The following TUBA1C variants were observed in gnomAD, a reference collection of about 807,000 sequenced individuals.
The protein encoded by TUBA1C is tubulin alpha-1C chain.
TUBA1C carries 16 observed loss-of-function variants against 34.9 expected under a neutral mutation model. That is an observed-to-expected ratio of 0.46 (90% CI 0.31 to 0.70). The LOEUF (loss-of-function observed/expected upper bound fraction) is 0.70, where lower values mean the gene tolerates loss of function less well. TUBA1C is among the 30% of genes least tolerant of loss of function. The pLI, the probability that TUBA1C is intolerant of heterozygous loss-of-function variation, is 0.05. For synonymous variants in TUBA1C, 177 were observed against 215.9 expected (o/e 0.82, Z 1.58); for missense variants, 329 against 587.3 (o/e 0.56, Z 4.55).
intron 1 of TUBA1C, among the ~76,000 whole-genome samples, chr12:49,252,609 T>C (rs1384934330): frequency 6.6e-6 from 1 of 152,070 alleles, no homozygotes; most frequent in East Asian, 1.9e-4. Flanking sequence ...AAACCCCATC[T>C]CTACTAAAAA....
intron 1 of TUBA1C, among the ~76,000 whole-genome samples, chr12:49,241,359 T>C (rs1454083844): frequency 6.6e-6 from 1 of 152,134 alleles, no homozygotes; most frequent in Non-Finnish European, 1.5e-5. Context: ...TAGGTAGGAT[T>C]CAACACTGAG....
chr12:49,241,235 G>C (rs1942611821), intron 1 of TUBA1C, among the ~76,000 whole-genome samples: 1 of 152,048 alleles, frequency 6.6e-6, no homozygotes, highest in South Asian at 2.1e-4. Flanking sequence ...TATATAATAT[G>C]ATTTATCTGT....
chr12:49,271,178 C>T (rs750887953), intron 3 of TUBA1C, among the ~76,000 whole-genome samples: 6 of 152,110 alleles, frequency 3.9e-5, no homozygotes, highest in Non-Finnish European at 7.4e-5. Flanking sequence ...AATTGGTAGG[C>T]GAGAGTCTGC....
At chr12:49,250,860 A>G (rs1186730666) in intron 1 of TUBA1C, among the ~76,000 whole-genome samples, 1 of 152,112 alleles carries the variant, frequency 6.6e-6, no homozygotes, top group Non-Finnish European at 1.5e-5. Context: ...CTCAAGAAGA[A>G]ATAGGATATC....
intron 1 of TUBA1C, chr12:49,256,380 C>A (rs372646983): frequency 1.1e-5 from 5 of 442,622 alleles, no homozygotes; most frequent in East Asian, 7.1e-5. Context: ...ATTATTTCTT[C>A]TTTTTCTTTT....
chr12:49,255,557 G>A lies in TUBA1C; in HGVS notation c.214-13908G>A, dbSNP rs138057733. Among the ~76,000 whole-genome samples, 479 of 151,722 alleles carry A rather than the reference G, an allele frequency of 3.2e-3. 2 individuals carry two copies. The highest frequency in any genetic ancestry group is 1.0e-2 in the African/African-American group (414 of 41,416). ...ATGAACCACTCTACCTGGTAGATTC[G>A]TCTTTTCTTTTTGTTTTTCGAGACT... On this transcript the variant is annotated intron_variant, in intron 1 of 3. Transcript: ENST00000541364.
At chr12:49,234,845 A>G (rs1942535145) in intron 1 of TUBA1C, among the ~76,000 whole-genome samples, 1 of 152,158 alleles carries the variant, frequency 6.6e-6, no homozygotes, top group Non-Finnish European at 1.5e-5. Flanking sequence ...GAGACGGAGT[A>G]TTGCTTTTGT....
intron 1 of TUBA1C, among the ~76,000 whole-genome samples, chr12:49,244,564 A>AT (rs532636541): frequency 1.6e-4 from 24 of 146,990 alleles, no homozygotes; most frequent in South Asian, 4.3e-4. Flanking sequence ...CCAGAGAGGT[A>AT]TTTTTTTTTT....
At chr12:49,234,656 C>G (rs1001028944) in intron 1 of TUBA1C, among the ~76,000 whole-genome samples, 2 of 152,166 alleles carry the variant, frequency 1.3e-5, no homozygotes, top group East Asian at 3.8e-4. Flanking sequence ...CCACGAAGGC[C>G]ACTTCCGCCG....
rs1399074911 is a variant in TUBA1C at position 49,269,477 on chromosome 12, T to C, written c.16T>C (p.Ser6Pro). MRECI[S>P]IHVGQAGVQI... ...CTTCCTCCCACAGCGTGAGTGCATC[T>C]CCATCCACGTTGGCCAGGCTGGTGT... Residue 6 changes from serine to proline, a missense_variant, in exon 2 of 4, where the codon TCC becomes CCC. By Grantham distance (74) the Ser-to-Pro change is moderately conservative. Coordinates refer to ENST00000301072, the MANE Select transcript of TUBA1C (RefSeq NM_032704.5). 27 of 1,614,212 alleles carry C rather than the reference T, an allele frequency of 1.7e-5. No homozygotes were observed. The highest frequency in any genetic ancestry group is 2.3e-5 in the Non-Finnish European group (27 of 1,180,046).
At chr12:49,255,886 C>T (rs1419241085) in intron 1 of TUBA1C, among the ~76,000 whole-genome samples, 1 of 152,116 alleles carries the variant, frequency 6.6e-6, no homozygotes, top group African/African-American at 2.4e-5. Flanking sequence ...TTTTAGGCTT[C>T]CATAGCAATG....
At chr12:49,243,222 G>A (rs1401105444) in intron 1 of TUBA1C, among the ~76,000 whole-genome samples, 5 of 152,148 alleles carry the variant, frequency 3.3e-5, no homozygotes, top group Non-Finnish European at 5.9e-5. Context: ...AAGGTGGGCG[G>A]ATCACCTGAG....
chr12:49,249,423 G>A lies in TUBA1C; in HGVS notation c.214-20042G>A, dbSNP rs190982850. On this transcript the variant is annotated intron_variant, in intron 1 of 3. Coordinates refer to the TUBA1C transcript ENST00000541364. The stretch of plus-strand genomic sequence containing the variant: ...GCCTGGTCGACAAGAGTGAAACTCC[G>A]TCTCTAAATAAATAAATAAATAAAC... 7.9e-4 allele frequency among the ~76,000 whole-genome samples: 120 copies of A among 152,070 alleles called. 1 individual carries two copies. The highest frequency in any genetic ancestry group is 6.8e-3 in the Middle Eastern group (2 of 294).
upstream of TUBA1C, among the ~76,000 whole-genome samples, chr12:49,262,528 G>A (rs760315511): frequency 1.3e-5 from 2 of 148,328 alleles, no homozygotes; most frequent in Non-Finnish European, 3.0e-5. Context: ...GCCTGTAATC[G>A]CAGCATTTTG....
upstream of TUBA1C, among the ~76,000 whole-genome samples, chr12:49,260,097 G>C (rs930567648): frequency 1.1e-4 from 17 of 152,144 alleles, no homozygotes; most frequent in African/African-American, 3.9e-4. Context: ...CTATGATATA[G>C]TCCTTTTATT....
At chr12:49,230,854 G>A (rs1229971128) in intron 1 of TUBA1C, among the ~76,000 whole-genome samples, 2 of 152,220 alleles carry the variant, frequency 1.3e-5, no homozygotes, top group African/African-American at 4.8e-5. Context: ...AAGTCCTGAT[G>A]TGGACACTTA....
rs539301004 is a variant in TUBA1C, at chr12:49,259,863, CAGG to C, written c.214-9595_214-9593del. Reference sequence around the variant, plus strand: ...AATGGCTGGCTGTGTGTCCTGGGAGCAGGAGGAGGCAGGTGGAGATGCAGAAAA... The same window carrying C: ...AATGGCTGGCTGTGTGTCCTGGGAGCAGGAGGCAGGTGGAGATGCAGAAAA... On this transcript the variant is annotated intron_variant, in intron 1 of 3. Coordinates refer to the TUBA1C transcript ENST00000541364. Among the ~76,000 whole-genome samples, 23 of 152,166 alleles carry C rather than the reference CAGG, an allele frequency of 1.5e-4. No homozygotes were observed. In the East Asian group the frequency reaches 4.2e-3, roughly 28 times the overall value.
chr12:49,247,604 A>G (rs1942684490), intron 1 of TUBA1C, among the ~76,000 whole-genome samples: 1 of 151,992 alleles, frequency 6.6e-6, no homozygotes, highest in African/African-American at 2.4e-5. Context: ...ACTCTGTCTC[A>G]AAACAAACAA....
intron 1 of TUBA1C, among the ~76,000 whole-genome samples, chr12:49,238,654 T>A (rs991281784): frequency 2.6e-5 from 4 of 152,178 alleles, no homozygotes; most frequent in African/African-American, 4.8e-5. Flanking sequence ...ATATTCATTT[T>A]AAAATTTTTT....
Sources: allele counts gnomAD v4.1 joint callset (sites outside exome capture counted in the v4.1 genomes callset), GRCh38; gene constraint gnomAD v4.1.1; transcripts MANE v1.5; gene names NCBI Gene and HGNC (gene_info 2026-07-23, HGNC 2026-07-21).